CTNND2: variants seen among roughly 807,000 people sequenced by gnomAD.
The protein encoded by CTNND2 is catenin delta-2.
CTNND2 carries 22 observed loss-of-function variants against 144.4 expected under a neutral mutation model. That is an observed-to-expected ratio of 0.15 (90% CI 0.11 to 0.22). The LOEUF is 0.22. Among genes scored for constraint, CTNND2 ranks in the 10% least tolerant of loss-of-function variants. CTNND2 has a pLI of 1.00. For missense variants in CTNND2, 1,353 were observed against 1,618.8 expected (o/e 0.84, Z 2.82); for synonymous variants, 751 against 695.6 (o/e 1.08, Z -1.25).
intron 1 of CTNND2, among the ~76,000 whole-genome samples, chr5:11,804,022 C>A (rs1791852677): frequency 6.6e-6 from 1 of 152,138 alleles, no homozygotes; most frequent in South Asian, 2.1e-4. Context: ...CCTATGAGTT[C>A]TGTACTTCTA....
chr5:11,106,451 G>A (rs529047310), intron 14 of CTNND2, among the ~76,000 whole-genome samples: 1 of 152,328 alleles, frequency 6.6e-6, no homozygotes, highest in East Asian at 1.9e-4. Flanking sequence ...TCATAAAGTG[G>A]TCAGCAAAGT....
intron 1 of CTNND2, among the ~76,000 whole-genome samples, chr5:11,860,116 T>G (rs1795434529): frequency 6.6e-6 from 1 of 152,220 alleles, no homozygotes; most frequent in Non-Finnish European, 1.5e-5. Context: ...TGGTTTATGC[T>G]ACAATTAAAC....
intron 1 of CTNND2, among the ~76,000 whole-genome samples, chr5:11,856,240 G>A (rs1795243487): frequency 6.6e-6 from 1 of 152,124 alleles, no homozygotes; most frequent in African/African-American, 2.4e-5. Flanking sequence ...TCACAACTAA[G>A]AAACTGAGCA....
intron 2 of CTNND2, among the ~76,000 whole-genome samples, chr5:11,615,761 G>A (rs981563762): frequency 6.6e-6 from 1 of 152,212 alleles, no homozygotes; most frequent in Non-Finnish European, 1.5e-5. Context: ...AGCTATGCAT[G>A]TGATAAGACC....
intron 2 of CTNND2, among the ~76,000 whole-genome samples, chr5:11,713,681 C>T (rs1214879162): frequency 6.6e-6 from 1 of 150,598 alleles, no homozygotes; most frequent in Non-Finnish European, 1.5e-5. Context: ...ACTTCTGCAA[C>T]AACCTGGATA....
intron 2 of CTNND2, among the ~76,000 whole-genome samples, chr5:11,665,330 G>A (rs997116049): frequency 6.6e-6 from 1 of 152,156 alleles, no homozygotes; most frequent in African/African-American, 2.4e-5. Flanking sequence ...AAAGAATGCA[G>A]ATAGTGATAC....
chr5:11,653,935 G>T (rs2434669), intron 2 of CTNND2, among the ~76,000 whole-genome samples: 3 of 151,778 alleles, frequency 2.0e-5, no homozygotes, highest in East Asian at 1.9e-4. Context: ...TAAGATTAAG[G>T]GTTCAATTTC....
At chr5:11,766,776 C>T (rs1444166738) in intron 1 of CTNND2, among the ~76,000 whole-genome samples, 2 of 152,134 alleles carry the variant, frequency 1.3e-5, no homozygotes, top group Non-Finnish European at 2.9e-5. Context: ...TAATAACACG[C>T]TGTGAATTCT....
chr5:11,329,347 G>A (rs917544598), intron 9 of CTNND2, among the ~76,000 whole-genome samples: 11 of 152,094 alleles, frequency 7.2e-5, no homozygotes, highest in East Asian at 3.9e-4. Flanking sequence ...TAGAGATGGC[G>A]TTTCATCATG....
At chr5:11,247,759 G>C (rs1409382133) in intron 9 of CTNND2, among the ~76,000 whole-genome samples, 3 of 152,006 alleles carry the variant, frequency 2.0e-5, no homozygotes, top group Non-Finnish European at 2.9e-5. Flanking sequence ...CTTCTATATA[G>C]AATATTTAGG....
intron 2 of CTNND2, among the ~76,000 whole-genome samples, chr5:11,716,961 G>C (rs1013894277): frequency 1.4e-4 from 22 of 151,866 alleles, no homozygotes; most frequent in Non-Finnish European, 2.8e-4. Flanking sequence ...TCCGCCTCCC[G>C]GGTTCAAGGG....
intron 3 of CTNND2, among the ~76,000 whole-genome samples, chr5:11,432,089 G>A (rs1763344867): frequency 1.4e-5 from 2 of 142,874 alleles, no homozygotes; most frequent in African/African-American, 2.6e-5. Flanking sequence ...TGGACTAGAT[G>A]CACTCCATAC....
intron 3 of CTNND2, among the ~76,000 whole-genome samples, chr5:11,511,007 G>A (rs1309284812): frequency 6.6e-6 from 1 of 152,020 alleles, no homozygotes; most frequent in Non-Finnish European, 1.5e-5. Flanking sequence ...GGTACATACA[G>A]CAAAGACTCT....
chr5:11,081,798 G>A (rs1219210900), intron 16 of CTNND2, among the ~76,000 whole-genome samples: 1 of 152,222 alleles, frequency 6.6e-6, no homozygotes, highest in Non-Finnish European at 1.5e-5. Context: ...CATAGACAGA[G>A]AGCAGATTGA....
intron 2 of CTNND2, among the ~76,000 whole-genome samples, chr5:11,636,532 G>C (rs1439932615): frequency 1.3e-5 from 2 of 152,192 alleles, no homozygotes; most frequent in Non-Finnish European, 2.9e-5. Context: ...CAACAAGGAA[G>C]TTATGACAGT....
At chr5:11,357,583 T>C (rs900513109) in intron 8 of CTNND2, among the ~76,000 whole-genome samples, 1 of 151,874 alleles carries the variant, frequency 6.6e-6, no homozygotes, top group Non-Finnish European at 1.5e-5. Context: ...AAAGTTACGA[T>C]GAGATAGGAA....
At chr5:11,715,353 A>C (rs775711243) in intron 2 of CTNND2, among the ~76,000 whole-genome samples, 1 of 152,202 alleles carries the variant, frequency 6.6e-6, no homozygotes, top group Non-Finnish European at 1.5e-5. Context: ...AAAAAAAACA[A>C]AGGAAAACAC....
At chr5:11,751,577 T>C (rs1020505137) in intron 1 of CTNND2, among the ~76,000 whole-genome samples, 12 of 152,078 alleles carry the variant, frequency 7.9e-5, no homozygotes, top group East Asian at 1.9e-4. Flanking sequence ...TGCTTTTTAA[T>C]GGCTGCATAG....
chr5:11,115,402 T>C (rs1398915768), intron 13 of CTNND2, among the ~76,000 whole-genome samples: 1 of 152,216 alleles, frequency 6.6e-6, no homozygotes, highest in Non-Finnish European at 1.5e-5. Context: ...GCTCTTTTCG[T>C]AGCCATCACA....
Sources: gnomAD v4.1 joint callset for allele counts (sites outside exome capture counted in the v4.1 genomes callset) on GRCh38, gnomAD v4.1.1 for gene constraint, MANE v1.5 for transcripts, NCBI Gene and HGNC (gene_info 2026-07-23, HGNC 2026-07-21) for gene names.